TG: variants seen among roughly 807,000 people sequenced by gnomAD.
The protein encoded by TG is thyroid hormones.
Under a neutral mutation model 324.7 loss-of-function variants are expected in TG, and 270 were observed. The observed-to-expected ratio is 0.83, with a 90% CI of 0.75 to 0.92. The LOEUF (loss-of-function observed/expected upper bound fraction) is 0.92, where lower values mean the gene tolerates loss of function less well. Among genes scored for constraint, TG ranks in the 40% least tolerant of loss-of-function variants. The probability of loss-of-function intolerance (pLI) is 0.00; values close to 1 mark genes in which losing one functional copy is unlikely to be tolerated. For synonymous variants in TG, 1,401 were observed against 1,327.0 expected, an observed-to-expected ratio of 1.06 and a Z score of -1.21; for missense variants, 3,591 against 3,456.4, an observed-to-expected ratio of 1.04 and a Z score of -0.98.
rs2130897143 is a variant in TG, at chr8:133,013,630, C to T, written c.6428C>T (p.Thr2143Ile). Residue 2143 changes from threonine (T) to isoleucine (I), a missense_variant, in exon 37 of 48, where the codon ACC (threonine) becomes ATC (isoleucine). Physicochemically the swap from Thr to Ile is moderately conservative, Grantham distance 89. Transcript: ENST00000220616. ...ECSQHEACLITTLQTQPGAVR... is the reference protein window; with the variant it reads ...ECSQHEACLIITLQTQPGAVR... Reference sequence around the variant, plus strand: ...TCCCAACATGAGGCCTGTCTCATCACCACTCTGCAAACCCAACCTGGGGCT... The same window carrying T: ...TCCCAACATGAGGCCTGTCTCATCATCACTCTGCAAACCCAACCTGGGGCT... The T allele has an allele frequency of 6.2e-7, 1 of 1,614,236 alleles. No homozygotes were observed. The highest frequency in any genetic ancestry group is 2.2e-5 in the East Asian group (1 of 44,880).
chr8:132,940,201 C>T (rs1173956798), intron 25 of TG, among the ~76,000 whole-genome samples: 4 of 152,122 alleles, frequency 2.6e-5, no homozygotes, highest in Non-Finnish European at 5.9e-5. Flanking sequence ...GGTGATCTGC[C>T]AGACTGACGG....
At chr8:133,060,333 G>A (rs1344757497) in intron 41 of TG, 1 of 1,552,888 alleles carries the variant, frequency 6.4e-7, no homozygotes, top group African/African-American at 1.4e-5. Flanking sequence ...GTTTATATGT[G>A]AAGATGAGAT....
Position 132,888,567 on chromosome 8 carries a change from A to T in TG, c.2760A>T (p.Thr920=). The part of the protein sequence containing the change: ...GMRSEPSKLP[T]CPGSCEEAKL... ...GGTCTGAGCCAAGCAAGCTCCCAAC[A>T]TGTGAGCTAACGCATATGAAGAGTT... The change falls in exon 10 of 48, where the codon ACA becomes ACT. Residue 920 remains threonine, a splice_region_variant and synonymous_variant. Coordinates refer to ENST00000220616, the MANE Select transcript of TG (RefSeq NM_003235.5). 1 of 1,609,262 alleles carries T rather than the reference A, an allele frequency of 6.2e-7. No individual in the cohort carries two copies. Among genetic ancestry groups the T allele is most frequent in the South Asian group, 1.1e-5 (1 of 90,478 alleles).
At chr8:133,002,701 T>C in intron 35 of TG, 1 of 236,098 alleles carries the variant, frequency 4.2e-6, no homozygotes, top group South Asian at 7.1e-5. Flanking sequence ...AAGCTGGCGC[T>C]TCAGTTGAGC....
At position 132,887,194 on chromosome 8, in the gene TG, T is replaced by C. The variant is rs1815541556; in HGVS notation, c.1822T>C (p.Cys608Arg). 6.2e-6 allele frequency: 10 copies of C among 1,613,290 alleles called. No homozygotes were observed. Among genetic ancestry groups the C allele is most frequent in the Non-Finnish European group, 7.6e-6 (9 of 1,179,430 alleles). The change falls in exon 9 of 48, where the codon TGT becomes CGT. Residue 608 changes from cysteine to arginine, a missense_variant. By Grantham distance (180) the Cys-to-Arg change is radical. Coordinates refer to ENST00000220616, the MANE Select transcript of TG (RefSeq NM_003235.5). ...VMETVLSSQTCEQTPERLFVP... is the reference protein window; with the variant it reads ...VMETVLSSQTREQTPERLFVP... ...GGAAACGGTACTCAGCTCCCAGACC[T>C]GTGAGCAGACACCTGAAAGGCTATT...
intron 41 of TG, among the ~76,000 whole-genome samples, chr8:133,056,972 T>C (rs1841544082): frequency 6.6e-6 from 1 of 152,206 alleles, no homozygotes; most frequent in South Asian, 2.1e-4. Flanking sequence ...CCCAGGAATC[T>C]GCATTTCAGT....
intron 41 of TG, chr8:133,059,307 T>C: frequency 5.5e-6 from 2 of 363,246 alleles, no homozygotes; most frequent in South Asian, 4.0e-5. Flanking sequence ...CCCCACAATA[T>C]GAGAATTATG....
At chr8:133,127,306 A>G (rs1851593883) in intron 45 of TG, among the ~76,000 whole-genome samples, 1 of 152,174 alleles carries the variant, frequency 6.6e-6, no homozygotes, top group African/African-American at 2.4e-5. Context: ...GAAGCTGAGA[A>G]CTTGTGCAAT....
At chr8:133,115,911 G>A (rs377072028) in intron 44 of TG, among the ~76,000 whole-genome samples, 2 of 152,142 alleles carry the variant, frequency 1.3e-5, no homozygotes, top group African/African-American at 2.4e-5. Flanking sequence ...GAGATTTCTC[G>A]GCTTCCTCAT....
Position 132,941,562 on chromosome 8 carries a change from C to G in TG, c.5233+20C>G, listed in dbSNP as rs1824447381. The stretch of plus-strand genomic sequence containing the variant: ...AAGGAGGTAATGTTGGCAGTGAGGG[C>G]CAGGGCCTAACAAGGGATGGGGAGC... On this transcript the variant is annotated intron_variant, in intron 26 of 47. Coordinates refer to ENST00000220616, the MANE Select transcript of TG (RefSeq NM_003235.5). 2 of 1,612,434 alleles carry G rather than the reference C, an allele frequency of 1.2e-6. No individual in the cohort carries two copies. Among genetic ancestry groups the G allele is most frequent in the Middle Eastern group, 1.7e-4 (1 of 6,032 alleles).
rs140223612 is a variant in TG at position 133,038,314 on chromosome 8, A to G, written c.7239+8291A>G. The G allele has an allele frequency of 4.3e-3, 2,555 of 590,004 alleles. 10 individuals are homozygous for G. The highest frequency in any genetic ancestry group is 5.4e-3 in the Non-Finnish European group (1,788 of 331,190). 36.5% of individuals were successfully genotyped at this position (590,004 alleles called of 1,614,324 possible). ...ACATGTCATGATCCAATGTTTCGTG[A>G]TGCCACAGCCCTGATCAGACACCAG... On this transcript the variant is annotated intron_variant, in intron 41 of 47. Coordinates refer to ENST00000220616, the MANE Select transcript of TG (RefSeq NM_003235.5).
rs548152282 is a variant in TG, at chr8:132,946,664, T to C, written c.5234-2112T>C. ...TCCAATCTCCACCCCTCTAAGGCTT[T>C]GTTTCCACTGAGAGTTATTAATGAA... On this transcript the variant is annotated intron_variant, in intron 26 of 47. Coordinates refer to ENST00000220616, the MANE Select transcript of TG (RefSeq NM_003235.5). Among the ~76,000 whole-genome samples, 17 of 152,260 alleles carry C rather than the reference T, an allele frequency of 1.1e-4. No individual in the cohort carries two copies. In the South Asian group the frequency reaches 1.2e-3, roughly 11 times the overall value.
intron 37 of TG, among the ~76,000 whole-genome samples, chr8:133,015,894 G>A (rs892288418): frequency 6.6e-6 from 1 of 152,152 alleles, no homozygotes; most frequent in African/African-American, 2.4e-5. Context: ...ATGTCTTTGC[G>A]ACAGAGAAGG....
In TG at chr8:132,974,510, C is replaced by T. The variant is rs184855769; in HGVS notation, c.6199+1769C>T. 3.9e-5 allele frequency among the ~76,000 whole-genome samples: 6 copies of T among 152,278 alleles called. No homozygotes were observed. In the South Asian group the frequency reaches 6.2e-4, roughly 16 times the overall value. On this transcript the variant is annotated intron_variant, in intron 34 of 47. Transcript: ENST00000220616. The stretch of plus-strand genomic sequence containing the variant: ...GTTGAATTGCTTGACCCAAACCACA[C>T]GGCTGGTAGGAAACAGAGGCAGGCT...
intron 41 of TG, among the ~76,000 whole-genome samples, chr8:133,067,947 GAAAGAAAGAAGGA>G (rs995336018): frequency 1.3e-5 from 2 of 151,552 alleles, no homozygotes; most frequent in African/African-American, 4.9e-5. Context: ...AAGAAAGAGA[GAAAGAAAGAAGGA>G]AAAGAAAGAA....
intron 6 of TG, 79 bp downstream of exon 6, chr8:132,882,048 A>AC: frequency 1.9e-6 from 2 of 1,068,344 alleles, no homozygotes; most frequent in South Asian, 1.3e-5. Flanking sequence ...CATTGCTTGT[A>AC]AAGCACAGCT....
chr8:132,879,728 G>C (rs1814379947), intron 5 of TG, among the ~76,000 whole-genome samples: 1 of 152,186 alleles, frequency 6.6e-6, no homozygotes, highest in Non-Finnish European at 1.5e-5. Flanking sequence ...AAGACAGGGT[G>C]ATCTCCAATG....
rs528715628 is a variant in TG, at chr8:133,121,953, C to T, written c.7862+5237C>T. On this transcript the variant is annotated intron_variant, in intron 45 of 47. Coordinates refer to ENST00000220616, the MANE Select transcript of TG (RefSeq NM_003235.5). ...AGTTTATCTTATTGTCCCAAAAAGA[C>T]ATCTCTCTTTCTCTCTCTCTCTCTC... Among the ~76,000 whole-genome samples, 121 of 152,276 alleles carry T rather than the reference C, an allele frequency of 7.9e-4. 1 individual carries two copies. The highest frequency in any genetic ancestry group is 2.9e-3 in the African/African-American group (119 of 41,554).
intron 45 of TG, among the ~76,000 whole-genome samples, chr8:133,130,704 C>G (rs372815454): frequency 2.0e-5 from 3 of 152,150 alleles, no homozygotes; most frequent in South Asian, 4.1e-4. Context: ...CCACTAAGAT[C>G]GATCCTGGAT....
Sources: gnomAD v4.1 joint callset for allele counts (sites outside exome capture counted in the v4.1 genomes callset) on GRCh38, gnomAD v4.1.1 for gene constraint, MANE v1.5 for transcripts, NCBI Gene and HGNC (gene_info 2026-07-23, HGNC 2026-07-21) for gene names.